ANO10: variants seen among roughly 807,000 people sequenced by gnomAD.
The protein encoded by ANO10 is anoctamin 10, also known as anoctamin-10.
ANO10 carries 77 observed loss-of-function variants against 74.7 expected under a neutral mutation model. The observed-to-expected ratio is 1.03, with a 90% confidence interval of 0.86 to 1.25. ANO10 has a LOEUF of 1.25. Ranked by LOEUF, ANO10 falls within the 50% of genes most tolerant of loss-of-function variation. The pLI, the probability that ANO10 is intolerant of heterozygous loss-of-function variation, is 0.00. For synonymous variants in ANO10, 279 were observed against 284.9 expected (o/e 0.98, Z 0.21); for missense variants, 721 against 778.1 (o/e 0.93, Z 0.87).
At chr3:43,613,029 G>A (rs1427082912) in intron 1 of ANO10, among the ~76,000 whole-genome samples, 2 of 152,048 alleles carry the variant, frequency 1.3e-5, no homozygotes, top group African/African-American at 4.8e-5. Context: ...TTAGCCAGGC[G>A]TGGTGGCACA....
chr3:43,461,754 C>T (rs536284011), intron 11 of ANO10, among the ~76,000 whole-genome samples: 1 of 152,298 alleles, frequency 6.6e-6, no homozygotes, highest in African/African-American at 2.4e-5. Context: ...ATAAATTGCT[C>T]AATCTCGGGT....
chr3:43,406,037 C>T (rs1302967952), intron 12 of ANO10, among the ~76,000 whole-genome samples: 1 of 152,180 alleles, frequency 6.6e-6, no homozygotes, highest in Non-Finnish European at 1.5e-5. Context: ...GAAATCATCA[C>T]CCCAGAGCTG....
intron 11 of ANO10, among the ~76,000 whole-genome samples, chr3:43,538,161 G>T (rs1475762387): frequency 1.3e-5 from 2 of 152,122 alleles, no homozygotes. Context: ...AAAAAAAACA[G>T]CTAAGTGTTT....
intron 11 of ANO10, 66 bp from the exon 12 acceptor site, chr3:43,432,793 A>G: frequency 9.6e-7 from 1 of 1,038,150 alleles, no homozygotes; most frequent in Non-Finnish European, 1.5e-6. Flanking sequence ...AAATAAATTG[A>G]TATCTAAGCA....
intron 11 of ANO10, among the ~76,000 whole-genome samples, chr3:43,462,241 C>T (rs914604623): frequency 6.6e-6 from 1 of 152,058 alleles, no homozygotes; most frequent in Non-Finnish European, 1.5e-5. Context: ...TGTTTGTTTG[C>T]TTTTCGAGAG....
intron 1 of ANO10, among the ~76,000 whole-genome samples, chr3:43,663,298 T>A (rs1359751599): frequency 2.0e-5 from 3 of 152,168 alleles, no homozygotes; most frequent in Non-Finnish European, 4.4e-5. Flanking sequence ...AAACCACGAT[T>A]ATCTTAATAG....
At chr3:43,622,802 G>T (rs931710180), upstream of ANO10, among the ~76,000 whole-genome samples, 5 of 152,070 alleles carry the variant, frequency 3.3e-5, no homozygotes, top group Admixed American at 1.3e-4. Context: ...GTTCTCATCT[G>T]CTCCTCACCC....
At chr3:43,676,857 C>T (rs1235920823) in intron 1 of ANO10, among the ~76,000 whole-genome samples, 1 of 151,650 alleles carries the variant, frequency 6.6e-6, no homozygotes, top group Non-Finnish European at 1.5e-5. Context: ...TTTTACTTCC[C>T]GCTTTCTAAG....
At chr3:43,633,915 T>G (rs1420765243) in intron 1 of ANO10, among the ~76,000 whole-genome samples, 2 of 151,354 alleles carry the variant, frequency 1.3e-5, no homozygotes, top group African/African-American at 4.9e-5. Context: ...AAACTCAGAC[T>G]TTTAACCCTG....
chr3:43,615,372 T>C (rs1183746493), intron 1 of ANO10, among the ~76,000 whole-genome samples: 1 of 151,742 alleles, frequency 6.6e-6, no homozygotes, highest in Non-Finnish European at 1.5e-5. Context: ...AGCTATTGTG[T>C]GTGTGTGTGT....
At chr3:43,648,776 A>G (rs2083754390) in intron 1 of ANO10, among the ~76,000 whole-genome samples, 1 of 147,222 alleles carries the variant, frequency 6.8e-6, no homozygotes, top group South Asian at 2.1e-4. Context: ...TCCCGGGTTC[A>G]CGCCATTCTT....
In ANO10 at chr3:43,577,205, A is replaced by G; in HGVS notation, c.649T>C (p.Tyr217His). 2 of 1,614,124 alleles carry G rather than the reference A, an allele frequency of 1.2e-6. No homozygotes were observed. Among genetic ancestry groups the G allele is most frequent in the Non-Finnish European group, 1.7e-6 (2 of 1,180,022 alleles). ...ATGGGGATTAATGCAAAAGTGAAATACTCCAAAAATCCAAAGTACAGAGCA... is the reference window on the plus strand; with the variant it reads ...ATGGGGATTAATGCAAAAGTGAAATGCTCCAAAAATCCAAAGTACAGAGCA... ...TIALYFGFLEYFTFALIPMAV... is the reference protein window; with the variant it reads ...TIALYFGFLEHFTFALIPMAV... Residue 217 changes from tyrosine to histidine, a missense_variant, in exon 6 of 13, where the codon TAT becomes CAT. Physicochemically the swap from Tyr to His is moderately conservative, Grantham distance 83. Transcript: ENST00000292246.
intron 12 of ANO10, among the ~76,000 whole-genome samples, chr3:43,423,977 T>C (rs1471121604): frequency 6.6e-6 from 1 of 152,184 alleles, no homozygotes; most frequent in Admixed American, 6.5e-5. Flanking sequence ...TACGGTACCA[T>C]TTTATCCTAG....
At chr3:43,466,180 G>A (rs770857936) in intron 11 of ANO10, among the ~76,000 whole-genome samples, 10 of 151,954 alleles carry the variant, frequency 6.6e-5, no homozygotes, top group South Asian at 2.1e-4. Flanking sequence ...AGACCATCCC[G>A]GCCAACATGG....
chr3:43,600,696 G>A, intron 2 of ANO10, 115 bp from the exon 3 acceptor site: 1 of 888,042 alleles, frequency 1.1e-6, no homozygotes, highest in Non-Finnish European at 1.8e-6. Context: ...AATTATATTA[G>A]CAATTTAAAT....
At chr3:43,655,264 C>T (rs578243232) in intron 1 of ANO10, among the ~76,000 whole-genome samples, 1 of 152,282 alleles carries the variant, frequency 6.6e-6, no homozygotes, top group East Asian at 1.9e-4. Context: ...GTGAGTGTTA[C>T]AGCTCTTAAG....
intron 6 of ANO10, among the ~76,000 whole-genome samples, chr3:43,576,370 C>G (rs2080994123): frequency 1.3e-5 from 2 of 152,206 alleles, no homozygotes; most frequent in Admixed American, 1.3e-4. Flanking sequence ...CCTCATTAAG[C>G]ATCAGTTATC....
At chr3:43,396,042 C>CT (rs2092372216) in intron 12 of ANO10, among the ~76,000 whole-genome samples, 1 of 151,536 alleles carries the variant, frequency 6.6e-6, no homozygotes, top group Non-Finnish European at 1.5e-5. Context: ...TTCTTCCTTT[C>CT]TATTCTGAAT....
At chr3:43,572,641 A>G (rs911422468) in intron 7 of ANO10, among the ~76,000 whole-genome samples, 10 of 152,180 alleles carry the variant, frequency 6.6e-5, no homozygotes, top group Non-Finnish European at 1.2e-4. Flanking sequence ...TCCTGCCACA[A>G]AAAGTGCCAT....
Sources: allele counts gnomAD v4.1 joint callset (sites outside exome capture counted in the v4.1 genomes callset), GRCh38; gene constraint gnomAD v4.1.1; transcripts MANE v1.5; gene names NCBI Gene and HGNC (gene_info 2026-07-23, HGNC 2026-07-21).